OPCML: variants seen among roughly 807,000 people sequenced by gnomAD.
OPCML encodes opioid binding protein/cell adhesion molecule like.
In OPCML, 13 loss-of-function variants were observed where a neutral mutation model predicts 37.8. The ratio of observed to expected loss-of-function variants is 0.34; its 90% CI spans 0.22 to 0.55. The LOEUF is 0.55. Ranked by LOEUF, OPCML falls within the 20% of genes least tolerant of loss-of-function variation. OPCML has a pLI of 0.91. For synonymous variants in OPCML, 176 were observed against 168.8 expected (o/e 1.04, Z -0.33); for missense variants, 341 against 435.6 (o/e 0.78, Z 1.93).
At chr11:133,359,286 T>C (rs1312539166) in intron 1 of OPCML, among the ~76,000 whole-genome samples, 1 of 152,212 alleles carries the variant, frequency 6.6e-6, no homozygotes, top group African/African-American at 2.4e-5. Context: ...TCTATGTCTG[T>C]GGCTGCTGAG....
Position 132,417,501 on chromosome 11 carries a change from G to C in OPCML, c.*2692C>G, listed in dbSNP as rs2095942723. 6.6e-6 allele frequency: 1 copy of C among 152,188 alleles called. No homozygotes were observed. The highest frequency in any genetic ancestry group is 2.4e-5 in the African/African-American group (1 of 41,434). 9.4% of individuals were successfully genotyped at this position (152,188 alleles called of 1,614,324 possible). ...GGCATCTTAGTATCCTTTGGAAGGG[G>C]GAACAGCAGGGTTCCATAGTGGCCC... On this transcript the variant is annotated 3_prime_UTR_variant, in exon 8 of 8. Transcript: ENST00000524381.
At chr11:132,971,542 A>G (rs1946343837) in intron 1 of OPCML, among the ~76,000 whole-genome samples, 1 of 152,150 alleles carries the variant, frequency 6.6e-6, no homozygotes, top group African/African-American at 2.4e-5. Flanking sequence ...GCTTTTCTTG[A>G]CTTGATACAT....
rs1939384220 is a variant in OPCML, at chr11:133,212,078, G to A, written c.62-269068C>T. Among the ~76,000 whole-genome samples, 1 of 152,088 alleles carries A rather than the reference G, an allele frequency of 6.6e-6. No individual in the cohort carries two copies. Among genetic ancestry groups the A allele is most frequent in the Non-Finnish European group, 1.5e-5 (1 of 68,028 alleles). On this transcript the variant is annotated intron_variant, in intron 1 of 7. Transcript: ENST00000524381. This position sits in a 1 kb window ranked among gnomAD's most constrained non-coding sequence, Gnocchi z 4.9. ...TCTAAGCAGAGCCTTTAAAGGGGTGGGGTTACACCTGCATAGTGAGGTGGG... is the reference window on the plus strand; with the variant it reads ...TCTAAGCAGAGCCTTTAAAGGGGTGAGGTTACACCTGCATAGTGAGGTGGG...
At chr11:132,589,518 A>G (rs936200293) in intron 3 of OPCML, among the ~76,000 whole-genome samples, 3 of 152,252 alleles carry the variant, frequency 2.0e-5, no homozygotes, top group Non-Finnish European at 4.4e-5. Flanking sequence ...GAAAATTGCT[A>G]CAATGGAAAG....
chr11:132,902,398 G>A (rs1003504563), intron 2 of OPCML, among the ~76,000 whole-genome samples: 1 of 152,186 alleles, frequency 6.6e-6, no homozygotes, highest in East Asian at 1.9e-4. Flanking sequence ...GACGTGCTCA[G>A]CATAGTGTCT....
chr11:133,137,079 C>T (rs116344812), intron 1 of OPCML, among the ~76,000 whole-genome samples: 2 of 152,098 alleles, frequency 1.3e-5, no homozygotes, highest in East Asian at 1.9e-4. Flanking sequence ...GTTTTCTCAT[C>T]GCTGGTTTAG....
rs143162221 is a variant in OPCML at position 132,977,979 on chromosome 11, C to G, written c.62-34969G>C. Among the ~76,000 whole-genome samples, 300 of 152,212 alleles carry G rather than the reference C, an allele frequency of 2.0e-3. 1 individual carries two copies. Among genetic ancestry groups the G allele is most frequent in the African/African-American group, 6.8e-3 (281 of 41,526 alleles). ...ATGGGCCAGAGGAGACACGGAAGTC[C>G]TGTGGAAAATGTAAGAGCTGCTGAA... On this transcript the variant is annotated intron_variant, in intron 1 of 7. Transcript: ENST00000524381.
At chr11:132,456,020 G>C (rs893959009) in intron 4 of OPCML, among the ~76,000 whole-genome samples, 1 of 152,152 alleles carries the variant, frequency 6.6e-6, no homozygotes, top group Non-Finnish European at 1.5e-5. Context: ...TGGGGTTGGG[G>C]TAGAGGGGAG....
At chr11:132,630,238 C>T (rs1287778650) in intron 3 of OPCML, among the ~76,000 whole-genome samples, 5 of 152,102 alleles carry the variant, frequency 3.3e-5, no homozygotes, top group Admixed American at 6.5e-5. Flanking sequence ...TTATTTATGA[C>T]AATAAGGAAA....
chr11:132,477,414 C>G lies in OPCML; in HGVS notation c.506-40055G>C, dbSNP rs549457415. 5.9e-5 allele frequency among the ~76,000 whole-genome samples: 9 copies of G among 152,248 alleles called. No homozygotes were observed. The South Asian group carries it at 1.5e-3, about 25-fold the overall frequency. ...GGTAGTAGCACACTGGGGATGAGGA[C>G]TTCAGGAAAGAGGGAAGAGGTTATC... On this transcript the variant is annotated intron_variant, in intron 4 of 7. Transcript: ENST00000524381.
intron 1 of OPCML, among the ~76,000 whole-genome samples, chr11:133,368,712 T>G (rs1444101726): frequency 6.6e-6 from 1 of 152,172 alleles, no homozygotes; most frequent in Non-Finnish European, 1.5e-5. Context: ...TCCCCTCACT[T>G]TTAAAAATCT....
rs560396188 is a variant in OPCML at position 133,036,141 on chromosome 11, AAAAAG to A, written c.62-93136_62-93132del. ...TCTACTTAAAATGTCAAAGTGAAAT[AAAAAG>A]AAAAGTTGGTGTCCAGAAGTGGCTA... On this transcript the variant is annotated intron_variant, in intron 1 of 7. Transcript: ENST00000524381. 2.4e-3 allele frequency among the ~76,000 whole-genome samples: 373 copies of A among 152,364 alleles called. 1 individual carries two copies. Among genetic ancestry groups the A allele is most frequent in the Non-Finnish European group, 4.1e-3 (277 of 68,040 alleles).
chr11:132,436,788 A>T lies in OPCML; in HGVS notation c.644-9T>A. ...TGAGATATAGGGAGGATCTGTGGGAAACACACACACACACATGCACAGGCA... is the reference window on the plus strand; with the variant it reads ...TGAGATATAGGGAGGATCTGTGGGATACACACACACACACATGCACAGGCA... On this transcript the variant is annotated splice_polypyrimidine_tract_variant and intron_variant, in intron 5 of 7. Coordinates refer to ENST00000524381, the MANE Select transcript of OPCML (RefSeq NM_001012393.5). The T allele has an allele frequency of 6.2e-7, 1 of 1,604,578 alleles. No individual in the cohort carries two copies. The highest frequency in any genetic ancestry group is 8.5e-7 in the Non-Finnish European group (1 of 1,174,050).
At chr11:133,008,676 G>A (rs1450251463) in intron 1 of OPCML, among the ~76,000 whole-genome samples, 2 of 152,156 alleles carry the variant, frequency 1.3e-5, no homozygotes, top group Admixed American at 6.5e-5. Context: ...TTGTTTGGTG[G>A]CAACTTTGAA....
chr11:132,908,617 G>C (rs77222621), intron 2 of OPCML, among the ~76,000 whole-genome samples: 1 of 152,268 alleles, frequency 6.6e-6, no homozygotes, highest in Non-Finnish European at 1.5e-5. Flanking sequence ...TTGGACAACA[G>C]TGTGGTCACC....
intron 1 of OPCML, among the ~76,000 whole-genome samples, chr11:133,127,781 C>T (rs969766133): frequency 1.3e-5 from 2 of 151,916 alleles, no homozygotes. Flanking sequence ...AAGAAAAACA[C>T]TAAAATGTAT....
At chr11:132,843,001 G>C (rs1431137827) in intron 2 of OPCML, among the ~76,000 whole-genome samples, 1 of 152,006 alleles carries the variant, frequency 6.6e-6, no homozygotes, top group Non-Finnish European at 1.5e-5. Context: ...ATTAAACTAA[G>C]ACATTACATT....
At chr11:132,735,772 C>T (rs1487417758) in intron 2 of OPCML, among the ~76,000 whole-genome samples, 4 of 152,128 alleles carry the variant, frequency 2.6e-5, no homozygotes, top group African/African-American at 7.2e-5. Context: ...CGTGAGCCAC[C>T]GCACCTGGCC....
chr11:133,023,913 C>T (rs1053589650), intron 1 of OPCML, among the ~76,000 whole-genome samples: 1 of 152,172 alleles, frequency 6.6e-6, no homozygotes. Flanking sequence ...TGGCAGGAAG[C>T]ATTTCCATTC....
Sources: allele counts gnomAD v4.1 joint callset (sites outside exome capture counted in the v4.1 genomes callset), GRCh38; gene constraint gnomAD v4.1.1; non-coding constraint Gnocchi (gnomAD v3.1); transcripts MANE v1.5; gene names NCBI Gene and HGNC (gene_info 2026-07-23, HGNC 2026-07-21).